The following KLHL4 variants were observed in gnomAD, a reference collection of about 807,000 sequenced individuals.
The protein encoded by KLHL4 is kelch like family member 4, also known as kelch-like protein 4.
Under a neutral mutation model 45.8 loss-of-function variants are expected in KLHL4, and 17 were observed. The ratio of observed to expected loss-of-function variants is 0.37; its 90% confidence interval spans 0.25 to 0.56. The LOEUF (loss-of-function observed/expected upper bound fraction) is 0.56, where lower values mean the gene tolerates loss of function less well. KLHL4 is among the 20% of genes least tolerant of loss of function. The pLI is 0.79. For missense variants in KLHL4, 544 were observed against 544.9 expected (o/e 1.00, Z 0.02); for synonymous variants, 224 against 189.9 (o/e 1.18, Z -1.47).
chrX:87,571,105 C>A (rs1420918246), intron 1 of KLHL4, among the ~76,000 whole-genome samples: 5 of 110,669 alleles, frequency 4.5e-5, no homozygotes, highest in Non-Finnish European at 7.6e-5. Flanking sequence ...TATAATCTGA[C>A]AACTCATTTA....
intron 9 of KLHL4, among the ~76,000 whole-genome samples, chrX:87,653,077 A>G (rs1465361243): frequency 8.9e-6 from 1 of 111,815 alleles, no homozygotes; most frequent in Non-Finnish European, 1.9e-5. Flanking sequence ...CAGTATGGGA[A>G]AAACTGCCGC....
At chrX:87,632,715 G>A (rs1923136577) in intron 7 of KLHL4, among the ~76,000 whole-genome samples, 2 of 111,246 alleles carry the variant, frequency 1.8e-5, no homozygotes, top group Non-Finnish European at 3.8e-5. Flanking sequence ...CTACAGCAAG[G>A]AGCTTTCTTC....
chrX:87,616,073 C>A (rs1270005585), intron 3 of KLHL4, among the ~76,000 whole-genome samples: 1 of 111,034 alleles, frequency 9.0e-6, no homozygotes, highest in Non-Finnish European at 1.9e-5. Flanking sequence ...GATAGGTGAG[C>A]AATGTGACTT....
chrX:87,650,159 G>T (rs1228643818), intron 9 of KLHL4, among the ~76,000 whole-genome samples: 1 of 111,038 alleles, frequency 9.0e-6, no homozygotes, highest in Non-Finnish European at 1.9e-5. Context: ...GGAATGCAGT[G>T]GTGCCATCAT....
In KLHL4 at chrX:87,635,573, A is replaced by G. The variant is rs766191403; in HGVS notation, c.1723A>G (p.Ile575Val). 2.9e-5 allele frequency: 35 copies of G among 1,204,681 alleles called. No homozygotes were observed. Among genetic ancestry groups the G allele is most frequent in the Non-Finnish European group, 3.6e-5 (32 of 890,605 alleles). The change falls in exon 9 of 11, where the codon ATT becomes GTT. Residue 575 changes from isoleucine (I) to valine (V), a missense_variant. Transcript: ENST00000373119. ...VVALNNKLYA[I>V]GGRDGSSCLK... ...TGTCTTTTTATCTAGATTATATGCT[A>G]TTGGTGGACGTGATGGAAGTTCCTG...
chrX:87,574,467 CCACT>C (rs1921032380), intron 1 of KLHL4, among the ~76,000 whole-genome samples: 1 of 111,126 alleles, frequency 9.0e-6, no homozygotes, highest in South Asian at 3.7e-4. Context: ...ATTGAGAAAC[CCACT>C]CAGTTTGTCA....
intron 4 of KLHL4, among the ~76,000 whole-genome samples, chrX:87,621,209 C>T (rs1281703744): frequency 9.0e-6 from 1 of 111,290 alleles, no homozygotes; most frequent in Admixed American, 9.6e-5. Flanking sequence ...TTAAACTGTT[C>T]CTGGAATATC....
intron 1 of KLHL4, among the ~76,000 whole-genome samples, chrX:87,597,071 T>A (rs1043333998): frequency 2.7e-5 from 3 of 112,350 alleles, no homozygotes; most frequent in Non-Finnish European, 5.6e-5. Context: ...TTATTATTAT[T>A]TTTAAATTGA....
At chrX:87,617,605 G>A (rs754473688) in intron 3 of KLHL4, among the ~76,000 whole-genome samples, 62 of 111,817 alleles carry the variant, frequency 5.5e-4, no homozygotes, top group Non-Finnish European at 1.0e-3. Flanking sequence ...ATATTCTCAT[G>A]TACATATACA....
intron 1 of KLHL4, among the ~76,000 whole-genome samples, chrX:87,570,175 ATG>A (rs1932305631): frequency 9.0e-6 from 1 of 111,223 alleles, no homozygotes; most frequent in South Asian, 3.7e-4. Context: ...GAGGTACAAA[ATG>A]TATGTATTTG....
rs1285147394 is a variant in KLHL4 at position 87,668,365 on chromosome X, T to C, written c.*1831T>C. On this transcript the variant is annotated 3_prime_UTR_variant, in exon 11 of 11. Transcript: ENST00000373119. ...GGCAGACTGTGTCTAGAGTCATGCA[T>C]GGACAAGAGGAAAGTGAAAGTTGAA... 6.6e-6 allele frequency: 5 copies of C among 753,569 alleles called. No individual in the cohort carries two copies. Among genetic ancestry groups the C allele is most frequent in the Non-Finnish European group, 7.8e-6 (5 of 638,668 alleles). 62.1% of individuals were successfully genotyped at this position (753,569 alleles called of 1,213,427 possible).
At chrX:87,663,549 A>G (rs1039664207) in intron 9 of KLHL4, among the ~76,000 whole-genome samples, 3 of 112,457 alleles carry the variant, frequency 2.7e-5, no homozygotes, top group Middle Eastern at 4.6e-3. Context: ...TTGGATGCAA[A>G]TTTATGAGGA....
chrX:87,556,264 A>T (rs1216455407), intron 1 of KLHL4, among the ~76,000 whole-genome samples: 1 of 110,578 alleles, frequency 9.0e-6, no homozygotes, highest in East Asian at 2.8e-4. Context: ...AAAGACTTGG[A>T]ACCAACCCAA....
intron 6 of KLHL4, among the ~76,000 whole-genome samples, chrX:87,626,356 T>C (rs1922927231): frequency 9.0e-6 from 1 of 111,643 alleles, no homozygotes; most frequent in Admixed American, 9.5e-5. Context: ...TTTCACTGAA[T>C]ACACAATTTA....
At chrX:87,593,726 T>C (rs186020662) in intron 1 of KLHL4, among the ~76,000 whole-genome samples, 1 of 111,083 alleles carries the variant, frequency 9.0e-6, no homozygotes, top group Admixed American at 9.7e-5. Flanking sequence ...ATTGATGATC[T>C]TTCAAGGAGC....
intron 1 of KLHL4, among the ~76,000 whole-genome samples, chrX:87,522,040 G>A (rs1463918332): frequency 8.9e-6 from 1 of 112,572 alleles, no homozygotes; most frequent in Non-Finnish European, 1.9e-5. Flanking sequence ...GATTCAGATA[G>A]GGTCAAATGT....
Position 87,666,545 on chromosome X carries a change from C to G in KLHL4, c.*11C>G. The G allele has an allele frequency of 1.7e-6, 2 of 1,185,186 alleles. No homozygotes were observed. Among genetic ancestry groups the G allele is most frequent in the Non-Finnish European group, 2.3e-6 (2 of 881,733 alleles). ...GTGAAGCTACCCTAAAGCTATCTAT[C>G]TTTATCAAATGGAATGAAACTAGAT... On this transcript the variant is annotated 3_prime_UTR_variant, in exon 11 of 11. Coordinates refer to ENST00000373119, the MANE Select transcript of KLHL4 (RefSeq NM_019117.5).
chrX:87,621,521 A>G (rs1490502480), intron 4 of KLHL4, among the ~76,000 whole-genome samples: 2 of 41,120 alleles, frequency 4.9e-5, no homozygotes, highest in African/African-American at 2.6e-4. Context: ...GCTTCACTCT[A>G]CTAAAAAAAA....
chrX:87,654,489 A>ATG (rs59086766), intron 9 of KLHL4, among the ~76,000 whole-genome samples: 131 of 106,800 alleles, frequency 1.2e-3, no homozygotes, highest in Middle Eastern at 4.8e-3. Flanking sequence ...GTGTATGTAT[A>ATG]TGTGTGTGTG....
Sources: allele counts gnomAD v4.1 joint callset (sites outside exome capture counted in the v4.1 genomes callset), GRCh38; gene constraint gnomAD v4.1.1; transcripts MANE v1.5; gene names NCBI Gene and HGNC (gene_info 2026-07-23, HGNC 2026-07-21).